Variants in OSBPL9 observed in about 807,000 individuals in gnomAD.
OSBPL9 encodes the protein oxysterol binding protein like 9, also known as oxysterol-binding protein-related protein 9.
OSBPL9 carries 40 observed loss-of-function variants against 106.6 expected under a neutral mutation model. The ratio of observed to expected loss-of-function variants is 0.38; its 90% confidence interval spans 0.29 to 0.49. The LOEUF is 0.49. OSBPL9 is among the 20% of genes least tolerant of loss of function. The pLI is 0.97. For synonymous variants in OSBPL9, 269 were observed against 295.4 expected (o/e 0.91, Z 0.92); for missense variants, 609 against 887.2 (o/e 0.69, Z 3.98).
chr1:51,621,598 A>G (rs1644443164), intron 1 of OSBPL9, among the ~76,000 whole-genome samples: 1 of 152,158 alleles, frequency 6.6e-6, no homozygotes, highest in Admixed American at 6.5e-5. Context: ...GTATTTATTA[A>G]TATCAAATAT....
intron 1 of OSBPL9, among the ~76,000 whole-genome samples, chr1:51,593,175 A>G (rs1049227831): frequency 3.9e-5 from 6 of 152,054 alleles, no homozygotes; most frequent in African/African-American, 1.5e-4. Context: ...ACTTTTCACC[A>G]TGAAGAGGGG....
intron 1 of OSBPL9, among the ~76,000 whole-genome samples, chr1:51,629,678 G>A (rs533477609): frequency 6.6e-6 from 1 of 152,286 alleles, no homozygotes; most frequent in South Asian, 2.1e-4. Flanking sequence ...GCTCGGTGCA[G>A]TGGCTCATGC....
chr1:51,643,302 G>GA (rs563435671), intron 1 of OSBPL9, among the ~76,000 whole-genome samples: 5 of 151,894 alleles, frequency 3.3e-5, no homozygotes, highest in Non-Finnish European at 5.9e-5. Flanking sequence ...AGTATTATGG[G>GA]AAAAAAAGGG....
intron 1 of OSBPL9, among the ~76,000 whole-genome samples, chr1:51,578,350 G>A (rs1645198657): frequency 6.6e-6 from 1 of 152,178 alleles, no homozygotes; most frequent in Non-Finnish European, 1.5e-5. Context: ...TGGGTGAACA[G>A]TATCAATACA....
At chr1:51,663,835 C>T (rs966738483) in intron 2 of OSBPL9, among the ~76,000 whole-genome samples, 1 of 152,162 alleles carries the variant, frequency 6.6e-6, no homozygotes, top group African/African-American at 2.4e-5. Context: ...GGAGAAGAAA[C>T]TTAAACTATT....
chr1:51,582,049 C>T (rs1472477102), intron 1 of OSBPL9, among the ~76,000 whole-genome samples: 2 of 152,142 alleles, frequency 1.3e-5, no homozygotes, highest in African/African-American at 4.8e-5. Flanking sequence ...GCTCTGGTGT[C>T]ATTTACTTTT....
At chr1:51,589,321 T>G (rs1251925225) in intron 1 of OSBPL9, among the ~76,000 whole-genome samples, 41 of 152,142 alleles carry the variant, frequency 2.7e-4, no homozygotes, top group Non-Finnish European at 2.9e-5. Context: ...ACTGCTGAGA[T>G]CAGGCGATCT....
chr1:51,552,785 C>T, the OSBPL9 span, among the ~76,000 whole-genome samples: 11 of 151,920 alleles, frequency 7.2e-5, no homozygotes, highest in Admixed American at 3.3e-4. Flanking sequence ...CCACCATGCC[C>T]GGCTAATTTT....
rs1238380641 is a variant in OSBPL9, at chr1:51,745,526, C to T, written c.319-10C>T. 2.5e-6 allele frequency: 4 copies of T among 1,610,120 alleles called. No homozygotes were observed. The highest frequency in any genetic ancestry group is 1.7e-6 in the Non-Finnish European group (2 of 1,178,026). ...TTCTGGTAGATTTATTGCAAATTCT[C>T]TTTCTCTAGGGTTTGGATTCAGGAT... On this transcript the variant is annotated splice_polypyrimidine_tract_variant and intron_variant, in intron 4 of 23. Transcript: ENST00000428468.
chr1:51,564,375 G>T, the OSBPL9 span, among the ~76,000 whole-genome samples: 78 of 152,158 alleles, frequency 5.1e-4, no homozygotes, highest in African/African-American at 1.7e-3. Flanking sequence ...GTTATAATAG[G>T]TATTTTAGCC....
intron 2 of OSBPL9, among the ~76,000 whole-genome samples, chr1:51,610,418 GC>G (rs1460267461): frequency 1.3e-5 from 2 of 151,936 alleles, no homozygotes; most frequent in African/African-American, 4.8e-5. Context: ...GCACCACCAT[GC>G]CCAGCTAATT....
chr1:51,592,776 T>C lies in OSBPL9; in HGVS notation c.-422-5348T>C, dbSNP rs12083209. On this transcript the variant is annotated intron_variant, in intron 1 of 25. Coordinates refer to the OSBPL9 transcript ENST00000371714. Reference sequence around the variant, plus strand: ...CTGATTCCAGAGCATTTCCTAAATATTTATTGATAATACCCTTGGGCATTT... The same window carrying C: ...CTGATTCCAGAGCATTTCCTAAATACTTATTGATAATACCCTTGGGCATTT... Among the ~76,000 whole-genome samples, 494 of 152,294 alleles carry C rather than the reference T, an allele frequency of 3.2e-3. 2 individuals are homozygous for C. Among genetic ancestry groups the C allele is most frequent in the African/African-American group, 0.011 (474 of 41,562 alleles).
chr1:51,704,368 G>A (rs996142488), intron 3 of OSBPL9, among the ~76,000 whole-genome samples: 4 of 152,088 alleles, frequency 2.6e-5, no homozygotes, highest in Non-Finnish European at 5.9e-5. Flanking sequence ...TTTAGTCCTG[G>A]GAGGGTGTAT....
At chr1:51,689,878 T>TC (rs1410329272) in intron 3 of OSBPL9, among the ~76,000 whole-genome samples, 1 of 152,226 alleles carries the variant, frequency 6.6e-6, no homozygotes, top group Non-Finnish European at 1.5e-5. Context: ...TTGGATTCCA[T>TC]CTTTTCTTTA....
intron 2 of OSBPL9, among the ~76,000 whole-genome samples, chr1:51,600,711 T>C (rs1645322068): frequency 6.6e-6 from 1 of 152,158 alleles, no homozygotes; most frequent in African/African-American, 2.4e-5. Context: ...GAAGGGTTAT[T>C]ATAAGGATTA....
At chr1:51,699,129 G>A (rs982109028) in intron 3 of OSBPL9, among the ~76,000 whole-genome samples, 1 of 152,038 alleles carries the variant, frequency 6.6e-6, no homozygotes, top group African/African-American at 2.4e-5. Flanking sequence ...TCATAAAACA[G>A]CACAAAAATA....
intron 1 of OSBPL9, 115 bp from the exon 2 acceptor site, chr1:51,651,876 T>C: frequency 1.4e-6 from 1 of 726,994 alleles, no homozygotes. Context: ...GAAGAGAAAT[T>C]GGCAGAAGGG....
intron 4 of OSBPL9, among the ~76,000 whole-genome samples, chr1:51,744,465 T>C (rs1181702075): frequency 6.6e-6 from 1 of 152,210 alleles, no homozygotes; most frequent in Admixed American, 6.5e-5. Context: ...GTTGTAAAAG[T>C]GCTTTAATGA....
chr1:51,569,188 C>T, the OSBPL9 span, among the ~76,000 whole-genome samples: 1 of 152,188 alleles, frequency 6.6e-6, no homozygotes, highest in African/African-American at 2.4e-5. Flanking sequence ...ACTTCCTTGA[C>T]CTCCTGTGCC....
Sources: allele counts gnomAD v4.1 joint callset (sites outside exome capture counted in the v4.1 genomes callset), GRCh38; gene constraint gnomAD v4.1.1; transcripts MANE v1.5; gene names NCBI Gene and HGNC (gene_info 2026-07-23, HGNC 2026-07-21).